Variants in BACH1 observed in about 807,000 individuals in gnomAD.
The protein encoded by BACH1 is transcription regulator protein BACH1.
Under a neutral mutation model 52.9 loss-of-function variants are expected in BACH1, and 35 were observed. That is an observed-to-expected ratio of 0.66 (90% CI 0.51 to 0.88). BACH1 has a LOEUF of 0.88. BACH1 is among the 40% of genes least tolerant of loss of function. The pLI is 0.00. For missense variants in BACH1, 808 were observed against 872.6 expected (o/e 0.93, Z 0.93); for synonymous variants, 321 against 319.6 (o/e 1.00, Z -0.05).
chr21:29,331,081 C>T (rs1303347405), intron 4 of BACH1, among the ~76,000 whole-genome samples: 1 of 152,026 alleles, frequency 6.6e-6, no homozygotes, highest in East Asian at 1.9e-4. Flanking sequence ...ATCAGTAATA[C>T]CTTTAATAAA....
chr21:29,361,258 A>T (rs746379120), intron 2 of BACH1: 15 of 152,168 alleles, frequency 9.9e-5, no homozygotes, highest in Non-Finnish European at 1.9e-4. Flanking sequence ...GTTTTGTGCC[A>T]TTTGAGTTAT....
At chr21:29,301,194 G>GT (rs1173710623) in intron 1 of BACH1, among the ~76,000 whole-genome samples, 1 of 152,190 alleles carries the variant, frequency 6.6e-6, no homozygotes, top group Non-Finnish European at 1.5e-5. Flanking sequence ...CATGAATTTT[G>GT]TAAGTATTAG....
chr21:29,329,032 GCACAGTGGCT>G (rs1409834409), intron 3 of BACH1, among the ~76,000 whole-genome samples: 1 of 152,186 alleles, frequency 6.6e-6, no homozygotes, highest in Non-Finnish European at 1.5e-5. Flanking sequence ...TACAGACTGG[GCACAGTGGCT>G]CATGCCTGTA....
intron 1 of BACH1, among the ~76,000 whole-genome samples, chr21:29,316,448 T>C (rs2088787897): frequency 6.6e-6 from 1 of 152,232 alleles, no homozygotes; most frequent in African/African-American, 2.4e-5. Flanking sequence ...AACAATAGTA[T>C]TATTTCTAAG....
intron 2 of BACH1, among the ~76,000 whole-genome samples, chr21:29,325,763 C>T (rs976722020): frequency 3.3e-5 from 5 of 151,734 alleles, no homozygotes; most frequent in Non-Finnish European, 5.9e-5. Flanking sequence ...TTTTCACTAT[C>T]ATGGGAAAAT....
intron 2 of BACH1, among the ~76,000 whole-genome samples, chr21:29,325,564 A>G (rs1177959838): frequency 2.0e-5 from 3 of 152,084 alleles, no homozygotes; most frequent in Non-Finnish European, 4.4e-5. Context: ...GTTAGTATGC[A>G]TTTACCATGG....
intron 1 of BACH1, among the ~76,000 whole-genome samples, chr21:29,309,741 C>T (rs1385098690): frequency 2.0e-5 from 3 of 152,170 alleles, no homozygotes; most frequent in Admixed American, 6.5e-5. Flanking sequence ...TACAGAAGAT[C>T]ACATGGTTGA....
At chr21:29,323,024 T>TTTTAA (rs1601351820) in intron 2 of BACH1, among the ~76,000 whole-genome samples, 1 of 66,644 alleles carries the variant, frequency 1.5e-5, no homozygotes, top group East Asian at 8.5e-4. Flanking sequence ...CATTCATTCT[T>TTTTAA]TCTAATGTGT....
At position 29,342,654 on chromosome 21, in the gene BACH1, G is replaced by C. The variant is rs754965100; in HGVS notation, c.2032G>C (p.Ala678Pro). Reference sequence around the variant, plus strand: ...TTTCAGTTTATCTGACCGGCCTCCAGCAGTGCTGCCTCCCTGTGCCAGAGG... The same window carrying C: ...TTTCAGTTTATCTGACCGGCCTCCACCAGTGCTGCCTCCCTGTGCCAGAGG... ...SIFSLSDRPP[A>P]VLPPCARGNS... is the part of the protein sequence containing the mutation. The change falls in exon 5 of 5, where the codon GCA becomes CCA. Residue 678 changes from alanine (A) to proline (P), a missense_variant. By Grantham distance (27) the Ala-to-Pro change is conservative. Transcript: ENST00000286800. 6.2e-7 allele frequency: 1 copy of C among 1,614,190 alleles called. No individual in the cohort carries two copies. Among genetic ancestry groups the C allele is most frequent in the South Asian group, 1.1e-5 (1 of 91,086 alleles).
intron 4 of BACH1, among the ~76,000 whole-genome samples, chr21:29,338,370 T>C (rs1357703609): frequency 1.3e-5 from 2 of 152,226 alleles, no homozygotes; most frequent in Non-Finnish European, 2.9e-5. Flanking sequence ...TTTATATTAC[T>C]GGGATTTACT....
At chr21:29,360,044 G>A (rs770006333) in intron 2 of BACH1, among the ~76,000 whole-genome samples, 6 of 152,194 alleles carry the variant, frequency 3.9e-5, no homozygotes, top group Non-Finnish European at 5.9e-5. Context: ...AGACCCCAAA[G>A]AATGAAACCT....
At chr21:29,350,044 G>T (rs2089193406), downstream of BACH1, among the ~76,000 whole-genome samples, 1 of 152,082 alleles carries the variant, frequency 6.6e-6, no homozygotes, top group African/African-American at 2.4e-5. Context: ...GTCATTCTCT[G>T]AGGAAAAACA....
chr21:29,320,242 A>G (rs2088832879), intron 1 of BACH1, among the ~76,000 whole-genome samples: 1 of 152,196 alleles, frequency 6.6e-6, no homozygotes, highest in Non-Finnish European at 1.5e-5. Flanking sequence ...CACACGGATA[A>G]AGGCCAATAA....
rs140935214 is a variant in BACH1 at position 29,323,858 on chromosome 21, C to T, written c.235-2201C>T. On this transcript the variant is annotated intron_variant, in intron 2 of 4. Coordinates refer to ENST00000286800, the MANE Select transcript of BACH1 (RefSeq NM_001186.4). ...AGGATATTGATACAATCTCCCATAG[C>T]GTTCAGATTGCCACAATTTTGCTTG... 2.5e-3 allele frequency among the ~76,000 whole-genome samples: 376 copies of T among 152,220 alleles called. 1 individual carries two copies. The highest frequency in any genetic ancestry group is 6.5e-3 in the African/African-American group (271 of 41,496).
intron 1 of BACH1, among the ~76,000 whole-genome samples, chr21:29,313,706 G>A (rs1447801723): frequency 6.6e-6 from 1 of 152,130 alleles, no homozygotes; most frequent in Non-Finnish European, 1.5e-5. Context: ...AAAGAAACCC[G>A]AAGTAAGAGT....
intron 2 of BACH1, among the ~76,000 whole-genome samples, chr21:29,360,838 C>G (rs1309507190): frequency 6.8e-6 from 1 of 146,826 alleles, no homozygotes; most frequent in Non-Finnish European, 1.5e-5. Flanking sequence ...AGAGCAAGAC[C>G]CTGTCTCAAA....
chr21:29,353,176 A>T (rs1407174571), intron 2 of BACH1, among the ~76,000 whole-genome samples: 1 of 152,206 alleles, frequency 6.6e-6, no homozygotes, highest in African/African-American at 2.4e-5. Context: ...ATGGCAATGG[A>T]AGGCCTCACT....
chr21:29,333,488 G>A (rs923244415), intron 4 of BACH1, among the ~76,000 whole-genome samples: 1 of 152,158 alleles, frequency 6.6e-6, no homozygotes, highest in African/African-American at 2.4e-5. Context: ...GAAATTGCTT[G>A]TTTAATAATT....
At chr21:29,311,187 A>G (rs915957775) in intron 1 of BACH1, among the ~76,000 whole-genome samples, 1 of 152,166 alleles carries the variant, frequency 6.6e-6, no homozygotes, top group Non-Finnish European at 1.5e-5. Context: ...GTACCCAAAC[A>G]AGATGTCTTT....
Sources: gnomAD v4.1 joint callset for allele counts (sites outside exome capture counted in the v4.1 genomes callset) on GRCh38, gnomAD v4.1.1 for gene constraint, MANE v1.5 for transcripts, NCBI Gene and HGNC (gene_info 2026-07-23, HGNC 2026-07-21) for gene names.